The following SLC25A12 variants were observed in gnomAD, a reference collection of about 807,000 sequenced individuals.
The protein encoded by SLC25A12 is solute carrier family 25 member 12.
SLC25A12 carries 32 observed loss-of-function variants against 83.3 expected under a neutral mutation model. The ratio of observed to expected loss-of-function variants is 0.38; its 90% CI spans 0.29 to 0.52. The LOEUF (loss-of-function observed/expected upper bound fraction) is 0.52. Ranked by LOEUF, SLC25A12 falls within the 20% of genes least tolerant of loss-of-function variation. The pLI is 0.84. For synonymous variants in SLC25A12, 267 were observed against 291.1 expected, an observed-to-expected ratio of 0.92 and a Z score of 0.84; for missense variants, 611 against 835.6, an observed-to-expected ratio of 0.73 and a Z score of 3.31.
Position 171,791,441 on chromosome 2 carries a change from T to G in SLC25A12, c.1585+10A>C, listed in dbSNP as rs1574673699. 6.2e-7 allele frequency: 1 copy of G among 1,613,228 alleles called. No homozygotes were observed. Among genetic ancestry groups the G allele is most frequent in the Non-Finnish European group, 8.5e-7 (1 of 1,179,214 alleles). On this transcript the variant is annotated intron_variant, in intron 15 of 17. Coordinates refer to ENST00000422440, the MANE Select transcript of SLC25A12 (RefSeq NM_003705.5). Reference sequence around the variant, plus strand: ...AGAATTCTTTCAGTTAAAAAAAAATTTGTAGTTACCTGCCATGGCTCCAGC... The same window carrying G: ...AGAATTCTTTCAGTTAAAAAAAAATGTGTAGTTACCTGCCATGGCTCCAGC...
At chr2:171,806,180 C>T (rs980822009) in intron 13 of SLC25A12, among the ~76,000 whole-genome samples, 1 of 152,144 alleles carries the variant, frequency 6.6e-6, no homozygotes, top group Admixed American at 6.5e-5. Context: ...ATCATAAAGA[C>T]CGGGTGTGGT....
At chr2:171,807,564 C>T (rs1383780528) in intron 13 of SLC25A12, among the ~76,000 whole-genome samples, 2 of 151,964 alleles carry the variant, frequency 1.3e-5, no homozygotes, top group Non-Finnish European at 2.9e-5. Flanking sequence ...ATATTTCTGG[C>T]AAAGGTATGC....
intron 2 of SLC25A12, among the ~76,000 whole-genome samples, chr2:171,869,571 T>C (rs2105918429): frequency 6.6e-6 from 1 of 152,236 alleles, no homozygotes; most frequent in Admixed American, 6.5e-5. Flanking sequence ...GGAAATAAAT[T>C]AAAATATTCT....
At chr2:171,791,633 G>C (rs371453633) in intron 14 of SLC25A12, 44 bp from the exon 15 acceptor site, 17 of 1,591,994 alleles carry the variant, frequency 1.1e-5, no homozygotes, top group African/African-American at 2.7e-5. Context: ...GTGAAACTGA[G>C]TGTGAATGCC....
At chr2:171,863,444 T>TGAACAA (rs1353108918) in intron 3 of SLC25A12, among the ~76,000 whole-genome samples, 2 of 151,760 alleles carry the variant, frequency 1.3e-5, no homozygotes, top group African/African-American at 4.8e-5. Flanking sequence ...GAGAATCACT[T>TGAACAA]GAACCCGGAA....
intron 3 of SLC25A12, among the ~76,000 whole-genome samples, chr2:171,867,118 G>A (rs1485056590): frequency 3.3e-5 from 5 of 151,178 alleles, no homozygotes; most frequent in African/African-American, 9.8e-5. Flanking sequence ...ATGGGATGGC[G>A]GCCGGGCAGA....
At chr2:171,836,052 C>CTT (rs920012871) in intron 6 of SLC25A12, among the ~76,000 whole-genome samples, 3 of 152,090 alleles carry the variant, frequency 2.0e-5, no homozygotes, top group African/African-American at 7.2e-5. Context: ...GTTCTCTTCC[C>CTT]TTCTCTCTCC....
In SLC25A12 at chr2:171,894,241, G is replaced by C. The variant is rs199774389; in HGVS notation, c.-27C>G. ...CTGTGCTCGGAAGCCGGGGACGAGC[G>C]AGTGAGCGAGCAGGGCCGAGCTGTC... On this transcript the variant is annotated 5_prime_UTR_variant, in exon 1 of 18. Coordinates refer to ENST00000422440, the MANE Select transcript of SLC25A12 (RefSeq NM_003705.5). The C allele has an allele frequency of 4.0e-5, 64 of 1,606,704 alleles. No homozygotes were observed. The highest frequency in any genetic ancestry group is 4.8e-5 in the Non-Finnish European group (57 of 1,176,696).
chr2:171,879,530 A>C (rs1000215121), intron 2 of SLC25A12, among the ~76,000 whole-genome samples: 1 of 152,178 alleles, frequency 6.6e-6, no homozygotes, highest in African/African-American at 2.4e-5. Context: ...ACAATTTTCC[A>C]CTCAAAATAA....
At chr2:171,821,017 CTTTTTTTTTTTTT>C (rs869070730) in intron 9 of SLC25A12, among the ~76,000 whole-genome samples, 19 of 48,592 alleles carry the variant, frequency 3.9e-4, no homozygotes, top group Non-Finnish European at 5.7e-4. Flanking sequence ...TATAAACATT[CTTTTTTTTTTTTT>C]TTTTTTTTTT....
intron 6 of SLC25A12, among the ~76,000 whole-genome samples, chr2:171,835,533 C>T (rs775568874): frequency 1.2e-4 from 18 of 152,196 alleles, no homozygotes; most frequent in Admixed American, 9.8e-4. Context: ...TGGCGGGCAA[C>T]GTGGCCTTCA....
chr2:171,859,835 C>G (rs1368275238), intron 3 of SLC25A12, among the ~76,000 whole-genome samples: 1 of 152,080 alleles, frequency 6.6e-6, no homozygotes, highest in Non-Finnish European at 1.5e-5. Flanking sequence ...GATCTCGGCC[C>G]ACTGCAACCT....
chr2:171,838,274 CTCA>C (rs1462701057), intron 5 of SLC25A12, among the ~76,000 whole-genome samples: 9 of 152,074 alleles, frequency 5.9e-5, no homozygotes, highest in African/African-American at 1.7e-4. Flanking sequence ...TTATAGAAGT[CTCA>C]TCATTTTTAT....
intron 2 of SLC25A12, among the ~76,000 whole-genome samples, chr2:171,887,064 T>G (rs1327903108): frequency 6.6e-6 from 1 of 152,106 alleles, no homozygotes; most frequent in Non-Finnish European, 1.5e-5. Context: ...AGAGTAAGGG[T>G]CTCCTGCTAA....
At chr2:171,829,676 T>A (rs566064493) in intron 8 of SLC25A12, among the ~76,000 whole-genome samples, 7 of 152,198 alleles carry the variant, frequency 4.6e-5, no homozygotes. Flanking sequence ...TAGGAAGCTA[T>A]TCAGAGAACC....
intron 2 of SLC25A12, among the ~76,000 whole-genome samples, chr2:171,891,437 T>G (rs544136284): frequency 1.3e-5 from 2 of 152,336 alleles, no homozygotes; most frequent in Non-Finnish European, 2.9e-5. Flanking sequence ...CATAGAATTT[T>G]TAAAGCTAGA....
intron 15 of SLC25A12, among the ~76,000 whole-genome samples, chr2:171,789,191 T>G (rs1009462382): frequency 6.6e-6 from 1 of 152,006 alleles, no homozygotes; most frequent in African/African-American, 2.4e-5. Context: ...GATGGGAGGA[T>G]CACCTGAGGT....
At chr2:171,786,516 T>C (rs999019856) in intron 17 of SLC25A12, among the ~76,000 whole-genome samples, 7 of 152,202 alleles carry the variant, frequency 4.6e-5, no homozygotes, top group African/African-American at 1.7e-4. Context: ...CTCACTTTTT[T>C]TGCATAGGTC....
At chr2:171,803,516 A>C (rs1683756774) in intron 13 of SLC25A12, among the ~76,000 whole-genome samples, 1 of 152,258 alleles carries the variant, frequency 6.6e-6, no homozygotes, top group Non-Finnish European at 1.5e-5. Context: ...CAAGTGGTCA[A>C]TATGCACACA....
Sources: allele counts gnomAD v4.1 joint callset (sites outside exome capture counted in the v4.1 genomes callset), GRCh38; gene constraint gnomAD v4.1.1; transcripts MANE v1.5; gene names NCBI Gene and HGNC (gene_info 2026-07-23, HGNC 2026-07-21).